Variants in SEC23B observed in about 807,000 individuals in gnomAD.
SEC23B encodes protein transport protein Sec23B.
A neutral mutation model predicts 104.3 loss-of-function variants in SEC23B; 77 were observed. That is an observed-to-expected ratio of 0.74 (90% CI 0.61 to 0.89). The LOEUF is 0.89. SEC23B is among the 40% of genes least tolerant of loss of function. The pLI, the probability that SEC23B is intolerant of heterozygous loss-of-function variation, is 0.00. For missense variants in SEC23B, 885 were observed against 949.4 expected, an observed-to-expected ratio of 0.93 and a Z score of 0.89; for synonymous variants, 338 against 332.5, an observed-to-expected ratio of 1.02 and a Z score of -0.18.
chr20:18,532,619 G>A, intron 10 of SEC23B, 45 bp from the exon 11 acceptor site: 1 of 1,332,634 alleles, frequency 7.5e-7, no homozygotes, highest in Non-Finnish European at 1.1e-6. Context: ...CAGCAGGGTG[G>A]ATTGAAGTGA....
At chr20:18,557,463 A>G in intron 19 of SEC23B, among the ~76,000 whole-genome samples, 1 of 152,028 alleles carries the variant, frequency 6.6e-6, no homozygotes, top group East Asian at 1.9e-4. Flanking sequence ...TACATCATAT[A>G]TGCATAACTT....
intron 9 of SEC23B, among the ~76,000 whole-genome samples, chr20:18,528,057 C>G (rs911428109): frequency 6.6e-6 from 1 of 152,146 alleles, no homozygotes; most frequent in African/African-American, 2.4e-5. Flanking sequence ...AAGCCTGAGT[C>G]AGTATTGTAT....
intron 13 of SEC23B, 62 bp from the exon 14 acceptor site, chr20:18,542,957 T>A: frequency 6.2e-7 from 1 of 1,604,012 alleles, no homozygotes; most frequent in Non-Finnish European, 8.5e-7. Context: ...TTTTTCTGAA[T>A]GGATGTCTGG....
chr20:18,530,206 C>T (rs1026232367), intron 9 of SEC23B, among the ~76,000 whole-genome samples: 4 of 151,696 alleles, frequency 2.6e-5, no homozygotes, highest in Admixed American at 6.6e-5. Context: ...ATTTAACATG[C>T]TGTTTTTATT....
intron 2 of SEC23B, among the ~76,000 whole-genome samples, chr20:18,511,741 A>G (rs771081344): frequency 5.3e-5 from 8 of 152,314 alleles, no homozygotes; most frequent in Middle Eastern, 3.4e-3. Context: ...TCTTGAACCA[A>G]TTTGAGGAAG....
chr20:18,524,816 A>G (rs1478684563), intron 5 of SEC23B, 119 bp from the exon 6 acceptor site: 24 of 1,256,320 alleles, frequency 1.9e-5, no homozygotes, highest in African/African-American at 4.4e-5. Context: ...CCTCAGCCTC[A>G]TGAGTAGGTG....
intron 19 of SEC23B, among the ~76,000 whole-genome samples, chr20:18,557,495 A>C (rs568954792): frequency 4.6e-5 from 7 of 152,118 alleles, no homozygotes; most frequent in Non-Finnish European, 1.0e-4. Flanking sequence ...CTGGTGTTCA[A>C]GCGAAGTCTA....
chr20:18,516,214 A>G (rs543945697), intron 4 of SEC23B, among the ~76,000 whole-genome samples: 4 of 145,032 alleles, frequency 2.8e-5, no homozygotes, highest in Non-Finnish European at 6.0e-5. Context: ...TTGCCTATTT[A>G]TACATTATTC....
chr20:18,525,612 A>G (rs1047620747), intron 6 of SEC23B, among the ~76,000 whole-genome samples, 176 bp from the exon 7 acceptor site: 6 of 150,146 alleles, frequency 4.0e-5, no homozygotes, highest in Non-Finnish European at 7.4e-5. Context: ...ATATTCCTCA[A>G]TAAAACTGCT....
In SEC23B at chr20:18,558,906, A is replaced by G. The variant is rs191061231; in HGVS notation, c.2215-1745A>G. Reference sequence around the variant, plus strand: ...ACATTGTTGTCAACTTAGTGTTAACACCTGTCACTTGTCTTTTTTAATTCA... The same window carrying G: ...ACATTGTTGTCAACTTAGTGTTAACGCCTGTCACTTGTCTTTTTTAATTCA... On this transcript the variant is annotated intron_variant, in intron 19 of 19. Coordinates refer to ENST00000650089, the MANE Select transcript of SEC23B (RefSeq NM_006363.6). Among the ~76,000 whole-genome samples the G allele has an allele frequency of 7.9e-5, 12 of 152,264 alleles. No homozygotes were observed. The East Asian group carries it at 1.5e-3, about 20-fold the overall frequency.
At chr20:18,516,339 G>C (rs559239651) in intron 4 of SEC23B, among the ~76,000 whole-genome samples, 20 of 148,514 alleles carry the variant, frequency 1.3e-4, no homozygotes, top group Non-Finnish European at 2.2e-4. Flanking sequence ...TGTGAATAAT[G>C]CTTCAATGAA....
Position 18,510,977 on chromosome 20 carries a change from C to A in SEC23B, c.142C>A (p.Arg48Ser). 12 of 1,614,168 alleles carry A rather than the reference C, an allele frequency of 7.4e-6. No homozygotes were observed. The highest frequency in any genetic ancestry group is 1.0e-5 in the Non-Finnish European group (12 of 1,180,026). ...TTGTCTCCTTACTCCTTTGAAAGAA[C>A]GTCCAGACCTACCTCCTGTACAATA... ...LACLLTPLKE[R>S]PDLPPVQYEP... Residue 48 changes from arginine to serine, a missense_variant, in exon 2 of 20, where the codon CGT becomes AGT. Physicochemically the swap from Arg to Ser is moderately radical, Grantham distance 110. Coordinates refer to ENST00000650089, the MANE Select transcript of SEC23B (RefSeq NM_006363.6).
chr20:18,535,625 T>G (rs1313286331), intron 11 of SEC23B, 28 bp from the exon 12 acceptor site: 1 of 1,601,404 alleles, frequency 6.2e-7, no homozygotes, highest in African/African-American at 1.3e-5. Context: ...TCTGGTTTTG[T>G]TTTTCAAATT....
intron 9 of SEC23B, among the ~76,000 whole-genome samples, chr20:18,528,693 CT>C (rs2060155816): frequency 6.6e-6 from 1 of 152,212 alleles, no homozygotes; most frequent in South Asian, 2.1e-4. Flanking sequence ...CCAAATGATA[CT>C]GATGTAGCTA....
chr20:18,533,471 G>C (rs145109889), intron 11 of SEC23B, among the ~76,000 whole-genome samples: 1 of 152,138 alleles, frequency 6.6e-6, no homozygotes, highest in African/African-American at 2.4e-5. Flanking sequence ...TTTACACCCC[G>C]CACCTGGCCC....
chr20:18,522,822 C>T (rs2060096157), intron 4 of SEC23B, among the ~76,000 whole-genome samples: 1 of 152,078 alleles, frequency 6.6e-6, no homozygotes, highest in South Asian at 2.1e-4. Context: ...CTTTGAGGGG[C>T]TGAGGCGGGG....
upstream of SEC23B, chr20:18,507,795 T>G (rs964583260): frequency 1.1e-4 from 17 of 152,434 alleles, no homozygotes; most frequent in South Asian, 4.1e-4. Context: ...GTGGCAGAGC[T>G]TCTCTGAGTC....
In SEC23B at chr20:18,510,849, T is replaced by G. The variant is rs752214160; in HGVS notation, c.14T>G (p.Leu5Arg). The change falls in exon 2 of 20, where the codon CTG (leucine) becomes CGG (arginine). Residue 5 changes from leucine to arginine, a missense_variant. Transcript: ENST00000650089. ...CCCTTTTAGACTATGGCGACATACC[T>G]GGAGTTCATCCAGCAGAATGAAGAA... MATYLEFIQQNEERD... is the reference protein window; with the variant it reads MATYREFIQQNEERD... 3 of 1,614,040 alleles carry G rather than the reference T, an allele frequency of 1.9e-6. No homozygotes were observed. The South Asian group carries it at 3.3e-5, about 18-fold the overall frequency.
chr20:18,549,916 G>A (rs1382135826), intron 16 of SEC23B, among the ~76,000 whole-genome samples: 3 of 151,804 alleles, frequency 2.0e-5, no homozygotes, highest in African/African-American at 7.3e-5. Flanking sequence ...GGAGGCTGCA[G>A]TGAGTTGAGA....
Sources: gnomAD v4.1 joint callset for allele counts (sites outside exome capture counted in the v4.1 genomes callset) on GRCh38, gnomAD v4.1.1 for gene constraint, MANE v1.5 for transcripts, NCBI Gene and HGNC (gene_info 2026-07-23, HGNC 2026-07-21) for gene names.